The following KALRN variants were observed in gnomAD, a reference collection of about 807,000 sequenced individuals.
KALRN encodes the protein kalirin.
Under a neutral mutation model 353.7 loss-of-function variants are expected in KALRN, and 70 were observed. That is an observed-to-expected ratio of 0.20 (90% CI 0.16 to 0.24). The LOEUF (loss-of-function observed/expected upper bound fraction) is 0.24. KALRN is among the 10% of genes least tolerant of loss of function. The probability of loss-of-function intolerance (pLI) is 1.00; values close to 1 mark genes in which losing one functional copy is unlikely to be tolerated. For synonymous variants in KALRN, 1,391 were observed against 1,434.8 expected, an observed-to-expected ratio of 0.97 and a Z score of 0.69; for missense variants, 2,791 against 3,756.7, an observed-to-expected ratio of 0.74 and a Z score of 6.72.
At chr3:124,614,064 T>C (rs771158763) in intron 34 of KALRN, among the ~76,000 whole-genome samples, 1 of 152,212 alleles carries the variant, frequency 6.6e-6, no homozygotes, top group Non-Finnish European at 1.5e-5. Context: ...TCAGACTAGC[T>C]TTCAGAATCC....
chr3:124,454,938 C>T (rs1179293516), intron 21 of KALRN, among the ~76,000 whole-genome samples: 2 of 152,150 alleles, frequency 1.3e-5, no homozygotes, highest in Non-Finnish European at 2.9e-5. Flanking sequence ...CCCCCCACCC[C>T]AGCACTGAGG....
rs1407730598 is a variant in KALRN at position 124,269,069 on chromosome 3, C to T, written c.783C>T (p.Ser261=). 6 of 1,612,232 alleles carry T rather than the reference C, an allele frequency of 3.7e-6. No individual in the cohort carries two copies. The highest frequency in any genetic ancestry group is 1.3e-5 in the African/African-American group (1 of 74,888). Residue 261 remains serine (S), a synonymous_variant, in exon 5 of 60, where the codon AGC becomes AGT. Coordinates refer to ENST00000682506, the MANE Select transcript of KALRN (RefSeq NM_001388419.1). ...GGCTGCTGCAGTGCATCCGCTGCAGCGACGGCTTCTCAGGACGCAACTGCA... is the reference window on the plus strand; with the variant it reads ...GGCTGCTGCAGTGCATCCGCTGCAGTGACGGCTTCTCAGGACGCAACTGCA... The part of the protein sequence containing the change: ...GQRLLQCIRC[S]DGFSGRNCIP...
chr3:124,642,504 C>T (rs967500478), intron 37 of KALRN, among the ~76,000 whole-genome samples: 1 of 152,068 alleles, frequency 6.6e-6, no homozygotes, highest in African/African-American at 2.4e-5. Context: ...GAGAATGTGC[C>T]CTACCTGCTT....
At chr3:124,373,917 T>G (rs184942015) in intron 10 of KALRN, among the ~76,000 whole-genome samples, 1 of 152,320 alleles carries the variant, frequency 6.6e-6, no homozygotes, top group Admixed American at 6.5e-5. Context: ...GTGCAAAATG[T>G]GAATGGTGTT....
At chr3:124,531,787 A>G (rs903178884) in intron 33 of KALRN, among the ~76,000 whole-genome samples, 2 of 152,218 alleles carry the variant, frequency 1.3e-5, no homozygotes, top group Non-Finnish European at 2.9e-5. Flanking sequence ...CCTGCCTCCA[A>G]CATTGGGGAT....
At chr3:124,254,747 A>T (rs1456634799) in intron 3 of KALRN, among the ~76,000 whole-genome samples, 2 of 152,160 alleles carry the variant, frequency 1.3e-5, no homozygotes, top group African/African-American at 4.8e-5. Flanking sequence ...CTCTCATTGT[A>T]TATGTCTATT....
intron 1 of KALRN, among the ~76,000 whole-genome samples, chr3:124,071,322 G>A (rs1318723398): frequency 6.6e-6 from 1 of 152,142 alleles, no homozygotes; most frequent in East Asian, 1.9e-4. Context: ...AACTCTGAAA[G>A]GAAGTAGTTA....
At chr3:124,063,138 G>A (rs762157296) in intron 1 of KALRN, among the ~76,000 whole-genome samples, 8 of 152,216 alleles carry the variant, frequency 5.3e-5, no homozygotes, top group East Asian at 1.9e-4. Context: ...TAGGACAGCC[G>A]GAGGTGAGAA....
At chr3:124,447,343 C>G (rs193267348) in intron 21 of KALRN, among the ~76,000 whole-genome samples, 32 of 152,316 alleles carry the variant, frequency 2.1e-4, no homozygotes, top group African/African-American at 7.0e-4. Context: ...CTTTTCTGAG[C>G]TATTTCCATC....
At chr3:124,564,075 C>T (rs906919307) in intron 34 of KALRN, among the ~76,000 whole-genome samples, 1 of 150,404 alleles carries the variant, frequency 6.6e-6, no homozygotes, top group Admixed American at 6.6e-5. Context: ...CATGGTGGCG[C>T]ACGCCTGTAG....
In KALRN at chr3:124,675,485, G is replaced by A. The variant is rs148393536; in HGVS notation, c.7193+871G>A. 13 of 147,640 alleles carry A rather than the reference G, an allele frequency of 8.8e-5. No individual in the cohort carries two copies. The East Asian group carries it at 2.6e-3, about 29-fold the overall frequency. 9.1% of individuals were successfully genotyped at this position (147,640 alleles called of 1,614,324 possible). On this transcript the variant is annotated intron_variant, in intron 49 of 59. Coordinates refer to ENST00000682506, the MANE Select transcript of KALRN (RefSeq NM_001388419.1). ...TCACTATTCTTGGACTTTCAAATGTGCAAACAATTCTTCTTCTTTTCCTCC... is the reference window on the plus strand; with the variant it reads ...TCACTATTCTTGGACTTTCAAATGTACAAACAATTCTTCTTCTTTTCCTCC...
At chr3:124,219,340 G>A (rs1199567676) in intron 1 of KALRN, among the ~76,000 whole-genome samples, 1 of 152,198 alleles carries the variant, frequency 6.6e-6, no homozygotes, top group African/African-American at 2.4e-5. Context: ...TGAGCAGTTA[G>A]GGCAGGCACC....
intron 57 of KALRN, among the ~76,000 whole-genome samples, chr3:124,704,786 G>A (rs994053882): frequency 5.3e-5 from 8 of 152,160 alleles, no homozygotes; most frequent in African/African-American, 1.9e-4. Flanking sequence ...CTGAGCTCAA[G>A]CAATCCACCC....
intron 5 of KALRN, among the ~76,000 whole-genome samples, chr3:124,295,850 T>C (rs2076803891): frequency 6.6e-6 from 1 of 152,360 alleles, no homozygotes; most frequent in East Asian, 1.9e-4. Context: ...CTTCTTTTCC[T>C]TCTTGTCCTT....
rs192850186 is a variant in KALRN, at chr3:124,271,217, G to C, written c.969+1962G>C. Among the ~76,000 whole-genome samples the C allele has an allele frequency of 3.3e-5, 5 of 152,324 alleles. No homozygotes were observed. In the East Asian group the frequency reaches 5.8e-4, roughly 18 times the overall value. On this transcript the variant is annotated intron_variant, in intron 5 of 59. Coordinates refer to ENST00000682506, the MANE Select transcript of KALRN (RefSeq NM_001388419.1). ...GGGCAGGGAATCTGCTTTGCAGCCTGGCCTGGGTGCCTGTTTCAGTGAGCA... is the reference window on the plus strand; with the variant it reads ...GGGCAGGGAATCTGCTTTGCAGCCTCGCCTGGGTGCCTGTTTCAGTGAGCA...
chr3:124,044,831 T>C (rs9837955), intron 1 of KALRN, among the ~76,000 whole-genome samples: 7,615 of 30,674 alleles, frequency 0.25, 676 homozygotes, highest in East Asian at 0.4. Flanking sequence ...CCTTCCTTCC[T>C]TCCCTCCCTC....
chr3:124,464,722 T>C (rs1324694448), intron 25 of KALRN, among the ~76,000 whole-genome samples: 1 of 152,168 alleles, frequency 6.6e-6, no homozygotes, highest in African/African-American at 2.4e-5. Flanking sequence ...AACAACCTCT[T>C]TACCTCTTGA....
At chr3:124,167,046 AAATAAT>A (rs752912509) in intron 1 of KALRN, among the ~76,000 whole-genome samples, 3 of 152,078 alleles carry the variant, frequency 2.0e-5, no homozygotes, top group Non-Finnish European at 4.4e-5. Flanking sequence ...CTCCATCTCA[AAATAAT>A]AATAATAATG....
At chr3:124,712,308 AT>A (rs1378867659) in intron 57 of KALRN, among the ~76,000 whole-genome samples, 6 of 152,228 alleles carry the variant, frequency 3.9e-5, no homozygotes, top group African/African-American at 1.4e-4. Flanking sequence ...AGGAAGTAGA[AT>A]TGGTATGTAT....
Sources: allele counts gnomAD v4.1 joint callset (sites outside exome capture counted in the v4.1 genomes callset), GRCh38; gene constraint gnomAD v4.1.1; transcripts MANE v1.5; gene names NCBI Gene and HGNC (gene_info 2026-07-23, HGNC 2026-07-21).